Variants in PCDHGB7 observed in about 807,000 individuals in gnomAD.
The protein encoded by PCDHGB7 is protocadherin gamma-B7.
In PCDHGB7, 37 loss-of-function variants were observed where a neutral mutation model predicts 61.4. The observed-to-expected ratio is 0.60, with a 90% CI of 0.46 to 0.79. The LOEUF (loss-of-function observed/expected upper bound fraction) is 0.79, where lower values mean the gene tolerates loss of function less well. Ranked by LOEUF, PCDHGB7 falls within the 30% of genes least tolerant of loss-of-function variation. The pLI, the probability that PCDHGB7 is intolerant of heterozygous loss-of-function variation, is 0.00. For synonymous variants in PCDHGB7, 464 were observed against 503.5 expected (o/e 0.92, Z 1.05); for missense variants, 1,166 against 1,202.5 (o/e 0.97, Z 0.45).
At position 141,418,416 on chromosome 5, in the gene PCDHGB7, C is replaced by A. The variant is rs377542164; in HGVS notation, c.557C>A (p.Pro186His). The change falls in exon 1 of 4, where the codon CCT (proline) becomes CAT (histidine). Residue 186 changes from proline (P) to histidine (H), a missense_variant. Transcript: ENST00000398594. ...TTCTCATTGGTGGAGAAAGACAATC[C>A]TGATGGTGGCAAATATCCAGAATTA... The part of the protein sequence containing the change: ...EYFSLVEKDN[P>H]DGGKYPELVL... The A allele has an allele frequency of 3.7e-6, 6 of 1,613,866 alleles. No individual in the cohort carries two copies. The African/African-American group carries it at 8.0e-5, about 22-fold the overall frequency.
chr5:141,422,513 G>T, intron 1 of PCDHGB7: 2 of 1,614,000 alleles, frequency 1.2e-6, no homozygotes, highest in Non-Finnish European at 1.7e-6. Context: ...ACAGACCAGG[G>T]AAGCCCGCCT....
At chr5:141,472,003 A>T (rs1450802255) in intron 1 of PCDHGB7, among the ~76,000 whole-genome samples, 1 of 152,176 alleles carries the variant, frequency 6.6e-6, no homozygotes, top group Non-Finnish European at 1.5e-5. Context: ...CCTGCATCGT[A>T]TAGGGGCACT....
At position 141,476,321 on chromosome 5, in the gene PCDHGB7, G is replaced by A; in HGVS notation, c.2416-18486G>A. 1 of 1,614,196 alleles carries A rather than the reference G, an allele frequency of 6.2e-7. No homozygotes were observed. The highest frequency in any genetic ancestry group is 1.3e-5 in the African/African-American group (1 of 75,054). ...CCTCTCAGCCCGCAGGTTCCGGGTG[G>A]TGTCTGGAGCTAGCCGAAGATTCTT... On this transcript the variant is annotated intron_variant, in intron 1 of 3. Coordinates refer to ENST00000398594, the MANE Select transcript of PCDHGB7 (RefSeq NM_018927.4). The surrounding 1 kb of genome is among the most constrained non-coding windows in gnomAD (Gnocchi z 7.6).
chr5:141,423,605 T>G lies in PCDHGB7; in HGVS notation c.2415+3331T>G. The G allele has an allele frequency of 1.6e-5, 26 of 1,612,620 alleles. No individual in the cohort carries two copies. Among genetic ancestry groups the G allele is most frequent in the Non-Finnish European group, 2.0e-5 (24 of 1,179,120 alleles). On this transcript the variant is annotated intron_variant, in intron 1 of 3. Transcript: ENST00000398594. Reference sequence around the variant, plus strand: ...AGCTGTGAGAAAAGCGAGCCACTCTTGATAGCTGAAGACTCAGCTATCATT... The same window carrying G: ...AGCTGTGAGAAAAGCGAGCCACTCTGGATAGCTGAAGACTCAGCTATCATT...
chr5:141,489,229 G>C lies in PCDHGB7; in HGVS notation c.2416-5578G>C. The C allele has an allele frequency of 6.6e-7, 1 of 1,522,252 alleles. No homozygotes were observed. Among genetic ancestry groups the C allele is most frequent in the Non-Finnish European group, 8.8e-7 (1 of 1,133,810 alleles). The allele number at this position is 1,522,252 out of a possible 1,614,324, so 94.3% of individuals were successfully genotyped here. On this transcript the variant is annotated intron_variant, in intron 1 of 3. Coordinates refer to ENST00000398594, the MANE Select transcript of PCDHGB7 (RefSeq NM_018927.4). This position sits in a 1 kb window ranked among gnomAD's most constrained non-coding sequence, Gnocchi z 4.5. ...AGCACAGACTTACTCTCCACAAAGG[G>C]ACTTCTGGGTCATGGGGCCCAAGAC...
intron 1 of PCDHGB7, among the ~76,000 whole-genome samples, chr5:141,462,783 T>A (rs1313584666): frequency 6.6e-6 from 1 of 152,236 alleles, no homozygotes; most frequent in Non-Finnish European, 1.5e-5. Flanking sequence ...CATAATTTGT[T>A]GCTTATTTGC....
At position 141,460,912 on chromosome 5, in the gene PCDHGB7, G is replaced by GTGTATATA. The variant is rs145509489; in HGVS notation, c.2416-33894_2416-33893insGTATATAT. ...TCGTGGCTGAGTAATATTCCATGGTGTATATATATATATGTGTGTGTGTAT... is the reference window on the plus strand; with the variant it reads ...TCGTGGCTGAGTAATATTCCATGGTGTGTATATATATATATATATATGTGTGTGTGTAT... On this transcript the variant is annotated intron_variant, in intron 1 of 3. Transcript: ENST00000398594. Among the ~76,000 whole-genome samples the GTGTATATA allele has an allele frequency of 5.0e-3, 740 of 149,316 alleles. 4 individuals are homozygous for GTGTATATA. The highest frequency in any genetic ancestry group is 0.015 in the African/African-American group (617 of 40,618).
intron 1 of PCDHGB7, among the ~76,000 whole-genome samples, chr5:141,451,571 A>G (rs2098719323): frequency 6.6e-6 from 1 of 152,188 alleles, no homozygotes; most frequent in Non-Finnish European, 1.5e-5. Context: ...CAATCTTTTT[A>G]TAAACCTAAT....
intron 3 of PCDHGB7, among the ~76,000 whole-genome samples, chr5:141,506,799 A>G (rs1026030023): frequency 5.3e-5 from 8 of 152,198 alleles, no homozygotes; most frequent in Admixed American, 3.9e-4. Flanking sequence ...CTGGCAGAGG[A>G]TCAAGGCATT....
rs549047197 is a variant in PCDHGB7, at chr5:141,502,866, C to CTTTTTTTTTTTTTTT, written c.2475-2513_2475-2512insTTTTTTTTTTTTTTT. Reference sequence around the variant, plus strand: ...GAGCTGCCTAACCCTGACTCTCTGTCTTTTTTTTTTTTTTGACAGGGAGTC... The same window carrying CTTTTTTTTTTTTTTT: ...GAGCTGCCTAACCCTGACTCTCTGTCTTTTTTTTTTTTTTTTTTTTTTTTTTTTTGACAGGGAGTC... On this transcript the variant is annotated intron_variant, in intron 2 of 3. Coordinates refer to ENST00000398594, the MANE Select transcript of PCDHGB7 (RefSeq NM_018927.4). 1.1e-4 allele frequency among the ~76,000 whole-genome samples: 14 copies of CTTTTTTTTTTTTTTT among 128,026 alleles called. 3 individuals are homozygous for CTTTTTTTTTTTTTTT. Among genetic ancestry groups the CTTTTTTTTTTTTTTT allele is most frequent in the Admixed American group, 1.7e-4 (2 of 11,664 alleles). The allele number at this position is 128,026 out of a possible 152,430, so 84.0% of individuals were successfully genotyped here.
chr5:141,455,406 C>A (rs991797932), intron 1 of PCDHGB7, among the ~76,000 whole-genome samples: 1 of 152,108 alleles, frequency 6.6e-6, no homozygotes, highest in Non-Finnish European at 1.5e-5. Flanking sequence ...CTTACAGAGA[C>A]AGAGGGAGCG....
At chr5:141,471,492 G>A (rs912591449) in intron 1 of PCDHGB7, 1 of 152,176 alleles carries the variant, frequency 6.6e-6, no homozygotes, top group Non-Finnish European at 1.5e-5. Context: ...GGAATTTAGG[G>A]AATGCAAGAG....
At position 141,418,832 on chromosome 5, in the gene PCDHGB7, G is replaced by A; in HGVS notation, c.973G>A (p.Gly325Arg). The A allele has an allele frequency of 6.2e-7, 1 of 1,614,008 alleles. No homozygotes were observed. Among genetic ancestry groups the A allele is most frequent in the Non-Finnish European group, 8.5e-7 (1 of 1,179,878 alleles). The change falls in exon 1 of 4, where the codon GGA (glycine) becomes AGA (arginine). Residue 325 changes from glycine to arginine, a missense_variant. Transcript: ENST00000398594. ...GATAAACATAGAAGCAAAAGACCGA[G>A]GATCTCTCTCAACACGGTGTAAAGT... is the stretch of plus-strand genomic sequence containing the variant. Reference protein sequence around the residue: ...YTINIEAKDRGSLSTRCKVIV... With the variant: ...YTINIEAKDRRSLSTRCKVIV...
intron 1 of PCDHGB7, chr5:141,427,703 C>T (rs529490424): frequency 1.0e-6 from 1 of 957,508 alleles, no homozygotes. Flanking sequence ...CACAAGTCAG[C>T]GCCTCTGACC....
At chr5:141,438,985 A>G (rs1461265086) in intron 1 of PCDHGB7, among the ~76,000 whole-genome samples, 1 of 151,940 alleles carries the variant, frequency 6.6e-6, no homozygotes, top group Non-Finnish European at 1.5e-5. Context: ...ACTTATCTTA[A>G]AAGGCTAAGG....
intron 1 of PCDHGB7, chr5:141,478,613 G>T: frequency 6.4e-7 from 1 of 1,557,312 alleles, no homozygotes; most frequent in African/African-American, 1.4e-5. Flanking sequence ...ATTGAGGAAG[G>T]AATGGAGCTG....
In PCDHGB7 at chr5:141,432,967, G is replaced by T; in HGVS notation, c.2415+12693G>T. ...CAGGAGGCGGCTTGACAGGAGCGCC[G>T]GCGTCGCACTTTGTGGGCGTGGACG... On this transcript the variant is annotated intron_variant, in intron 1 of 3. Coordinates refer to ENST00000398594, the MANE Select transcript of PCDHGB7 (RefSeq NM_018927.4). The surrounding 1 kb of genome is among the most constrained non-coding windows in gnomAD (Gnocchi z 6.0). 1 of 1,614,190 alleles carries T rather than the reference G, an allele frequency of 6.2e-7. No homozygotes were observed. The highest frequency in any genetic ancestry group is 2.2e-5 in the East Asian group (1 of 44,854).
intron 1 of PCDHGB7, chr5:141,428,257 G>A: frequency 1.2e-6 from 1 of 865,864 alleles, no homozygotes; most frequent in Non-Finnish European, 1.9e-6. Context: ...AGACTTCAGT[G>A]ACAGTCCTGT....
chr5:141,478,322 C>A, intron 1 of PCDHGB7: 3 of 1,613,976 alleles, frequency 1.9e-6, no homozygotes, highest in Non-Finnish European at 2.5e-6. Context: ...CTCACTGTAC[C>A]GAACACCAGG....
Sources: allele counts gnomAD v4.1 joint callset (sites outside exome capture counted in the v4.1 genomes callset), GRCh38; gene constraint gnomAD v4.1.1; non-coding constraint Gnocchi (gnomAD v3.1); transcripts MANE v1.5; gene names NCBI Gene and HGNC (gene_info 2026-07-23, HGNC 2026-07-21).